RHEX: variants seen among roughly 807,000 people sequenced by gnomAD.
RHEX encodes regulator of hemoglobinization and erythroid cell expansion.
In RHEX, 18 loss-of-function variants were observed where a neutral mutation model predicts 20.1. The ratio of observed to expected loss-of-function variants is 0.90; its 90% confidence interval spans 0.62 to 1.33. The LOEUF (loss-of-function observed/expected upper bound fraction) is 1.33. Among genes scored for constraint, RHEX ranks in the 40% most tolerant of loss-of-function variants. RHEX has a pLI of 0.00. For synonymous variants in RHEX, 87 were observed against 77.1 expected (o/e 1.13, Z -0.67); for missense variants, 192 against 214.3 (o/e 0.90, Z 0.65).
At position 206,092,084 on chromosome 1, in the gene RHEX, C is replaced by A. The variant is rs573430182; in HGVS notation, c.-96-5649C>A. On this transcript the variant is annotated intron_variant, in intron 1 of 5. Coordinates refer to ENST00000331555, the MANE Select transcript of RHEX (RefSeq NM_001007544.4). ...TCTCTTTCTCTCTCTTTCTTTCTTT[C>A]TTTTCTTTCTTTTCTTTTTAATAGA... Among the ~76,000 whole-genome samples the A allele has an allele frequency of 3.4e-5, 5 of 146,062 alleles. No homozygotes were observed. In the South Asian group the frequency reaches 1.1e-3, roughly 31 times the overall value.
At chr1:206,058,914 C>T (rs1662782018) in intron 1 of RHEX, among the ~76,000 whole-genome samples, 2 of 152,132 alleles carry the variant, frequency 1.3e-5, no homozygotes, top group Admixed American at 1.3e-4. Context: ...CCTGCTACAA[C>T]TGGACTTTAA....
intron 1 of RHEX, among the ~76,000 whole-genome samples, chr1:206,094,557 G>A (rs1663028850): frequency 6.6e-6 from 1 of 152,120 alleles, no homozygotes; most frequent in South Asian, 2.1e-4. Context: ...CTGTGAAGTA[G>A]GAAACTATTA....
At chr1:206,066,044 C>T (rs1196678227) in intron 1 of RHEX, among the ~76,000 whole-genome samples, 1 of 152,232 alleles carries the variant, frequency 6.6e-6, no homozygotes, top group South Asian at 2.1e-4. Flanking sequence ...ACCTTTGGTC[C>T]CTCCAGGGAT....
chr1:206,063,553 G>A lies in RHEX; in HGVS notation c.-97+10288G>A, dbSNP rs539804044. Reference sequence around the variant, plus strand: ...ATTGCAGGCGCGCGCCGCCACGCCTGACTGGTTTTCCTATTTTTTTGGTGG... The same window carrying A: ...ATTGCAGGCGCGCGCCGCCACGCCTAACTGGTTTTCCTATTTTTTTGGTGG... On this transcript the variant is annotated intron_variant, in intron 1 of 5. Transcript: ENST00000331555. 3.0e-4 allele frequency among the ~76,000 whole-genome samples: 45 copies of A among 152,384 alleles called. No homozygotes were observed. The East Asian group carries it at 8.7e-3, about 29-fold the overall frequency.
At chr1:206,096,403 T>C (rs78685465) in intron 1 of RHEX, among the ~76,000 whole-genome samples, 4 of 152,264 alleles carry the variant, frequency 2.6e-5, no homozygotes, top group Non-Finnish European at 5.9e-5. Context: ...TGGAACATTG[T>C]TGTTTTCTCA....
At chr1:206,090,209 T>G (rs1037474562) in intron 1 of RHEX, among the ~76,000 whole-genome samples, 3 of 145,350 alleles carry the variant, frequency 2.1e-5, no homozygotes, top group African/African-American at 7.7e-5. Context: ...TTTCTTTTTT[T>G]TTTTTTTTTT....
intron 1 of RHEX, among the ~76,000 whole-genome samples, chr1:206,084,231 A>C (rs1662791290): frequency 6.6e-6 from 1 of 152,198 alleles, no homozygotes; most frequent in African/African-American, 2.4e-5. Flanking sequence ...TTAAAATTTT[A>C]TGAATAGAGG....
intron 1 of RHEX, among the ~76,000 whole-genome samples, chr1:206,068,148 T>G (rs1330171092): frequency 1.3e-5 from 2 of 152,234 alleles, no homozygotes; most frequent in Non-Finnish European, 2.9e-5. Flanking sequence ...GCAAAGTTAT[T>G]ACTAGGCCCA....
At chr1:206,064,057 T>G (rs1474721989) in intron 1 of RHEX, among the ~76,000 whole-genome samples, 1 of 132,560 alleles carries the variant, frequency 7.5e-6, no homozygotes, top group African/African-American at 2.9e-5. Flanking sequence ...CCGTCTGGGA[T>G]GTGAGGAGCG....
intron 1 of RHEX, among the ~76,000 whole-genome samples, chr1:206,078,252 G>C (rs546533019): frequency 6.6e-6 from 1 of 152,120 alleles, no homozygotes; most frequent in South Asian, 2.1e-4. Flanking sequence ...TTAAAGTTAC[G>C]TAACAGGCTG....
chr1:206,085,873 G>A (rs574674780), intron 1 of RHEX, among the ~76,000 whole-genome samples: 7 of 152,196 alleles, frequency 4.6e-5, no homozygotes, highest in Non-Finnish European at 1.0e-4. Context: ...TGTTGAACTG[G>A]AATGTTCATC....
chr1:206,071,781 T>C (rs974864285), intron 1 of RHEX, among the ~76,000 whole-genome samples: 4 of 148,938 alleles, frequency 2.7e-5, no homozygotes, highest in African/African-American at 9.9e-5. Flanking sequence ...CCCAGGAGGC[T>C]GAGACTGCAG....
intron 1 of RHEX, among the ~76,000 whole-genome samples, chr1:206,085,080 C>G (rs1662812315): frequency 6.6e-6 from 1 of 152,176 alleles, no homozygotes; most frequent in East Asian, 1.9e-4. Context: ...CTTGCTGCCT[C>G]AGTTTCTTCA....
chr1:206,100,199 T>C lies in RHEX; in HGVS notation c.256+401T>C, dbSNP rs538197762. 2.8e-4 allele frequency among the ~76,000 whole-genome samples: 42 copies of C among 152,326 alleles called. 2 individuals are homozygous for C. In the South Asian group the frequency reaches 8.3e-3, roughly 30 times the overall value. On this transcript the variant is annotated intron_variant, in intron 4 of 5. Transcript: ENST00000331555. Reference sequence around the variant, plus strand: ...ATGTCAGTGTTATTGGCTGGCTCTGTAGCTGGCTCCTCCATAGTCCCTAGA... The same window carrying C: ...ATGTCAGTGTTATTGGCTGGCTCTGCAGCTGGCTCCTCCATAGTCCCTAGA...
At chr1:206,076,245 C>T (rs1218587627) in intron 1 of RHEX, among the ~76,000 whole-genome samples, 1 of 151,884 alleles carries the variant, frequency 6.6e-6, no homozygotes. Flanking sequence ...GCCTCAAACT[C>T]CTGGGGTCAA....
intron 1 of RHEX, among the ~76,000 whole-genome samples, chr1:206,094,975 G>A (rs1306209521): frequency 6.6e-6 from 1 of 152,060 alleles, no homozygotes; most frequent in African/African-American, 2.4e-5. Flanking sequence ...ACCTCAGGGG[G>A]CTTTGGAAAT....
At chr1:206,059,605 T>C (rs1553283084) in intron 1 of RHEX, among the ~76,000 whole-genome samples, 1 of 151,420 alleles carries the variant, frequency 6.6e-6, no homozygotes. Flanking sequence ...GGAAGGAGAC[T>C]GAATGCAGAT....
At chr1:206,060,309 A>G (rs1374310925) in intron 1 of RHEX, 4 of 151,402 alleles carry the variant, frequency 2.6e-5, no homozygotes, top group Non-Finnish European at 5.9e-5. Flanking sequence ...TAATATTACC[A>G]TTTAGGATTC....
chr1:206,066,365 C>T (rs1299936419), intron 1 of RHEX, among the ~76,000 whole-genome samples: 6 of 152,300 alleles, frequency 3.9e-5, no homozygotes, highest in East Asian at 3.9e-4. Context: ...GCCTGTAATC[C>T]CAGCATTTTG....
Sources: gnomAD v4.1 joint callset for allele counts (sites outside exome capture counted in the v4.1 genomes callset) on GRCh38, gnomAD v4.1.1 for gene constraint, MANE v1.5 for transcripts, NCBI Gene and HGNC (gene_info 2026-07-23, HGNC 2026-07-21) for gene names.